The following SCAPER variants were observed in gnomAD, a reference collection of about 807,000 sequenced individuals.
The protein encoded by SCAPER is S phase cyclin A-associated protein in the endoplasmic reticulum.
SCAPER carries 98 observed loss-of-function variants against 182.2 expected under a neutral mutation model. The observed-to-expected ratio is 0.54, with a 90% CI of 0.46 to 0.64. The LOEUF is 0.64. Ranked by LOEUF, SCAPER falls within the 30% of genes least tolerant of loss-of-function variation. SCAPER has a pLI of 0.00. For missense variants in SCAPER, 1,432 were observed against 1,690.0 expected (o/e 0.85, Z 2.68); for synonymous variants, 605 against 564.6 (o/e 1.07, Z -1.01).
intron 22 of SCAPER, among the ~76,000 whole-genome samples, chr15:76,615,615 T>C (rs940138581): frequency 2.0e-5 from 3 of 149,198 alleles, no homozygotes; most frequent in South Asian, 2.1e-4. Context: ...GGTCAGGAGA[T>C]TGAGACCATC....
At chr15:76,901,497 G>C (rs1396537104) in intron 1 of SCAPER, among the ~76,000 whole-genome samples, 3 of 152,138 alleles carry the variant, frequency 2.0e-5, no homozygotes, top group Non-Finnish European at 4.4e-5. Flanking sequence ...AAACAATTTA[G>C]TGAGGAGGTA....
rs138547812 is a variant in SCAPER, at chr15:76,400,550, T to G, written c.3467+3974A>C. ...GAGGAGGTAGAAAAAACTCCCTGTA[T>G]TCCTGTGGTCTGGTGGTGTTCAGGA... On this transcript the variant is annotated intron_variant, in intron 27 of 31. Coordinates refer to ENST00000563290, the MANE Select transcript of SCAPER (RefSeq NM_020843.4). Among the ~76,000 whole-genome samples the G allele has an allele frequency of 6.1e-3, 929 of 152,326 alleles. 10 individuals are homozygous for G. The highest frequency in any genetic ancestry group is 7.6e-3 in the Non-Finnish European group (517 of 68,032).
chr15:76,626,639 C>A (rs1188615606), intron 21 of SCAPER, among the ~76,000 whole-genome samples: 1 of 152,322 alleles, frequency 6.6e-6, no homozygotes, highest in East Asian at 1.9e-4. Flanking sequence ...ATCGCTTGAA[C>A]CTGGGAGGCG....
Position 76,595,994 on chromosome 15 carries a change from C to G in SCAPER, c.2712-21710G>C, listed in dbSNP as rs1427906665. ...GAAGGAGATACAGACACGAAAAACC[C>G]TTCAAAAAATCAGTGAATCCAGGAG... is the stretch of plus-strand genomic sequence containing the variant. On this transcript the variant is annotated intron_variant, in intron 22 of 31. Transcript: ENST00000563290. Among the ~76,000 whole-genome samples the G allele has an allele frequency of 4.1e-5, 5 of 120,532 alleles. 1 individual carries two copies. Among genetic ancestry groups the G allele is most frequent in the Non-Finnish European group, 1.0e-4 (5 of 49,666 alleles). 79.1% of individuals were successfully genotyped at this position (120,532 alleles called of 152,430 possible).
intron 27 of SCAPER, among the ~76,000 whole-genome samples, chr15:76,386,211 T>A (rs1218775979): frequency 6.6e-6 from 1 of 152,192 alleles, no homozygotes; most frequent in Non-Finnish European, 1.5e-5. Context: ...TCCAGAATAA[T>A]CTCACCATCT....
Position 76,354,376 on chromosome 15 carries a change from T to C in SCAPER, c.3856-236A>G, listed in dbSNP as rs1201534920. 1 of 433,810 alleles carries C rather than the reference T, an allele frequency of 2.3e-6. No individual in the cohort carries two copies. 26.9% of individuals were successfully genotyped at this position (433,810 alleles called of 1,614,324 possible). A position where few individuals can be genotyped will look rare whatever the true frequency, so the allele number is the denominator to read the frequency against. On this transcript the variant is annotated intron_variant, in intron 29 of 31. Transcript: ENST00000563290. The surrounding 1 kb of genome is among the most constrained non-coding windows in gnomAD (Gnocchi z 4.4). ...AGTTTTGCACTCATTTAAAAGTTAT[T>C]ATAATCCACGATTAAAGGTGTAGCT...
At chr15:76,432,670 C>T (rs2046945471) in intron 26 of SCAPER, among the ~76,000 whole-genome samples, 1 of 152,198 alleles carries the variant, frequency 6.6e-6, no homozygotes, top group Non-Finnish European at 1.5e-5. Context: ...TAAATGAGTT[C>T]AGATGCCAAA....
At chr15:76,681,655 C>T (rs1254929038) in intron 20 of SCAPER, among the ~76,000 whole-genome samples, 1 of 152,130 alleles carries the variant, frequency 6.6e-6, no homozygotes, top group Non-Finnish European at 1.5e-5. Flanking sequence ...GTTCTTGGCA[C>T]CCAAAAATTC....
intron 26 of SCAPER, among the ~76,000 whole-genome samples, chr15:76,430,895 T>G (rs2046816590): frequency 6.6e-6 from 1 of 152,222 alleles, no homozygotes; most frequent in Admixed American, 6.5e-5. Context: ...AAACCTCATC[T>G]TGAATTCCCA....
At chr15:76,887,412 T>C (rs1345811476) in intron 1 of SCAPER, among the ~76,000 whole-genome samples, 1 of 152,176 alleles carries the variant, frequency 6.6e-6, no homozygotes, top group Non-Finnish European at 1.5e-5. Context: ...AGGGAAGCCG[T>C]GGCAGACTGT....
At chr15:76,866,818 T>A (rs190271709) in intron 2 of SCAPER, among the ~76,000 whole-genome samples, 1 of 152,176 alleles carries the variant, frequency 6.6e-6, no homozygotes, top group African/African-American at 2.4e-5. Flanking sequence ...ATAAAATAGA[T>A]GTCTATTTCA....
chr15:76,508,542 C>T (rs949826773), intron 23 of SCAPER, among the ~76,000 whole-genome samples: 1 of 152,082 alleles, frequency 6.6e-6, no homozygotes, highest in Admixed American at 6.5e-5. Context: ...TCAGTTATTC[C>T]ACATTCTCAC....
intron 24 of SCAPER, among the ~76,000 whole-genome samples, chr15:76,490,068 C>T (rs2052131646): frequency 6.6e-6 from 1 of 152,118 alleles, no homozygotes; most frequent in Admixed American, 6.5e-5. Context: ...CAAGTTGTTT[C>T]CCCCTCCTCA....
Position 76,353,986 on chromosome 15 carries a change from T to C in SCAPER, c.4010A>G (p.Gln1337Arg). The change falls in exon 30 of 32, where the codon CAA becomes CGA. Residue 1337 changes from glutamine (Q) to arginine (R), a missense_variant. By Grantham distance (43) the Gln-to-Arg change is conservative. Transcript: ENST00000563290. ...GGCCAGTAAAACACAGCTCATCTCT[T>C]GCTCCAGAATGATCTTGTTCTGATG... ...NNHQNKIILE[Q>R]EMSCVLLATF... is the part of the protein sequence containing the mutation. The C allele has an allele frequency of 6.3e-7, 1 of 1,595,958 alleles. No individual in the cohort carries two copies.
chr15:76,696,098 T>C (rs551460465), intron 20 of SCAPER, among the ~76,000 whole-genome samples: 2 of 152,312 alleles, frequency 1.3e-5, no homozygotes, highest in Non-Finnish European at 2.9e-5. Context: ...GAATACTTCT[T>C]CTACAAAGGC....
intron 27 of SCAPER, 78 bp from the exon 28 acceptor site, chr15:76,381,693 G>T: frequency 8.8e-7 from 1 of 1,136,350 alleles, no homozygotes; most frequent in Non-Finnish European, 1.3e-6. Context: ...AATGAAACAA[G>T]ACAAGCAGAC....
chr15:76,559,719 T>C (rs60708199), intron 23 of SCAPER, among the ~76,000 whole-genome samples: 2 of 151,986 alleles, frequency 1.3e-5, no homozygotes, highest in Admixed American at 1.3e-4. Flanking sequence ...AAGAGAGCAA[T>C]GGATACCAAG....
chr15:76,851,315 G>T (rs1568336387), intron 4 of SCAPER, among the ~76,000 whole-genome samples: 1 of 152,140 alleles, frequency 6.6e-6, no homozygotes, highest in Non-Finnish European at 1.5e-5. Flanking sequence ...GAGGCCAGCA[G>T]TCAAATTCAG....
At chr15:76,368,167 C>A (rs1318406135) in intron 29 of SCAPER, among the ~76,000 whole-genome samples, 1 of 152,238 alleles carries the variant, frequency 6.6e-6, no homozygotes, top group Non-Finnish European at 1.5e-5. Context: ...GAGCCCACCA[C>A]CGCAGCCTCC....
Sources: gnomAD v4.1 joint callset for allele counts (sites outside exome capture counted in the v4.1 genomes callset) on GRCh38, gnomAD v4.1.1 for gene constraint, Gnocchi (gnomAD v3.1) non-coding constraint, MANE v1.5 for transcripts, NCBI Gene and HGNC (gene_info 2026-07-23, HGNC 2026-07-21) for gene names.